Variants in SNX29 observed in about 807,000 individuals in gnomAD.
SNX29 encodes the protein sorting nexin-29.
In SNX29, 78 loss-of-function variants were observed where a neutral mutation model predicts 102.1. The ratio of observed to expected loss-of-function variants is 0.76; its 90% CI spans 0.64 to 0.92. The LOEUF is 0.92. SNX29 is among the 40% of genes least tolerant of loss of function. The pLI is 0.00. For synonymous variants in SNX29, 580 were observed against 414.5 expected (o/e 1.40, Z -4.85); for missense variants, 1,280 against 1,061.7 (o/e 1.21, Z -2.86).
chr16:12,265,630 GT>G (rs2078904493), intron 14 of SNX29, among the ~76,000 whole-genome samples: 1 of 147,216 alleles, frequency 6.8e-6, no homozygotes, highest in African/African-American at 2.5e-5. Context: ...GGAGGCTGAG[GT>G]GGGTGGATCA....
chr16:12,373,195 C>T (rs1304984414), intron 16 of SNX29, among the ~76,000 whole-genome samples: 1 of 152,152 alleles, frequency 6.6e-6, no homozygotes, highest in Non-Finnish European at 1.5e-5. Flanking sequence ...TGCAGTGGTG[C>T]AGTCATAGCT....
rs184689477 is a variant in SNX29, at chr16:12,262,074, C to A, written c.1679-15859C>A. Among the ~76,000 whole-genome samples the A allele has an allele frequency of 2.8e-3, 400 of 144,090 alleles. 23 individuals carry two copies. The highest frequency in any genetic ancestry group is 0.027 in the Admixed American group (376 of 13,994). The allele number at this position is 144,090 out of a possible 152,430, so 94.5% of individuals were successfully genotyped here. On this transcript the variant is annotated intron_variant, in intron 14 of 20. Transcript: ENST00000566228. ...GAGTGAGTGTTTGCTGAGCTCGGGT[C>A]TGTGCGCGCGTCCCCGGCTGAAGTA...
chr16:12,417,969 C>G (rs1230288773), intron 18 of SNX29, among the ~76,000 whole-genome samples: 1 of 152,154 alleles, frequency 6.6e-6, no homozygotes, highest in Non-Finnish European at 1.5e-5. Flanking sequence ...AGCATTGAGT[C>G]TCTGAGCTCC....
Position 12,571,889 on chromosome 16 carries a change from CA to C in SNX29, c.*3263del. On this transcript the variant is annotated 3_prime_UTR_variant, in exon 21 of 21. Transcript: ENST00000566228. ...CATTTTAGAGTTTGGAGCTGAGGTT[CA>C]AAGCCCCCTGCATTTCTCTACTGGC... The C allele has an allele frequency of 9.4e-7, 1 of 1,061,864 alleles. No homozygotes were observed. The highest frequency in any genetic ancestry group is 1.1e-6 in the Non-Finnish European group (1 of 877,126). 65.8% of individuals were successfully genotyped at this position (1,061,864 alleles called of 1,614,324 possible).
At chr16:12,339,230 G>T (rs2151248701) in intron 15 of SNX29, among the ~76,000 whole-genome samples, 1 of 152,146 alleles carries the variant, frequency 6.6e-6, no homozygotes, top group African/African-American at 2.4e-5. Context: ...AATTAGCCAG[G>T]CGTGGTGGCG....
chr16:12,308,599 G>A (rs1051311273), intron 15 of SNX29, among the ~76,000 whole-genome samples: 1 of 152,086 alleles, frequency 6.6e-6, no homozygotes, highest in African/African-American at 2.4e-5. Context: ...TCACGGCTTC[G>A]AGTGCCAGGG....
At chr16:12,400,352 A>G (rs1406170528) in intron 17 of SNX29, among the ~76,000 whole-genome samples, 1 of 152,108 alleles carries the variant, frequency 6.6e-6, no homozygotes, top group Non-Finnish European at 1.5e-5. Context: ...CCACTTGTAC[A>G]CAGCATTGCC....
At chr16:12,384,051 C>G (rs2151440314) in intron 16 of SNX29, among the ~76,000 whole-genome samples, 1 of 152,270 alleles carries the variant, frequency 6.6e-6, no homozygotes, top group East Asian at 1.9e-4. Flanking sequence ...ATGACAGGCT[C>G]TTTTCTTATT....
chr16:12,229,233 T>G (rs1165997074), intron 14 of SNX29, among the ~76,000 whole-genome samples: 1 of 152,250 alleles, frequency 6.6e-6, no homozygotes. Context: ...GATTCCTGTT[T>G]GTGTTATTGG....
At chr16:12,526,511 C>T (rs780366661) in intron 20 of SNX29, 57 of 505,748 alleles carry the variant, frequency 1.1e-4, no homozygotes, top group Admixed American at 4.6e-4. Flanking sequence ...GTTTCTAGAA[C>T]GCTTTATTTT....
chr16:12,520,782 A>C (rs1000112155), intron 19 of SNX29, among the ~76,000 whole-genome samples: 1 of 151,980 alleles, frequency 6.6e-6, no homozygotes, highest in South Asian at 2.1e-4. Flanking sequence ...ATAATAATGG[A>C]CTTTGGGGAC....
At chr16:12,532,789 A>T (rs192634326) in intron 20 of SNX29, among the ~76,000 whole-genome samples, 1 of 152,314 alleles carries the variant, frequency 6.6e-6, no homozygotes, top group Non-Finnish European at 1.5e-5. Context: ...GGGCAGAGGC[A>T]GGAGGAGGTG....
At chr16:12,316,474 C>G (rs560426331) in intron 15 of SNX29, among the ~76,000 whole-genome samples, 1 of 152,096 alleles carries the variant, frequency 6.6e-6, no homozygotes, top group Non-Finnish European at 1.5e-5. Flanking sequence ...ATCCAGGAGG[C>G]GGAGGTTGCA....
intron 20 of SNX29, among the ~76,000 whole-genome samples, chr16:12,554,436 C>T (rs923857690): frequency 1.3e-5 from 2 of 152,216 alleles, no homozygotes; most frequent in African/African-American, 4.8e-5. Context: ...CCTGCTGTTT[C>T]CGCACACCTG....
chr16:12,291,242 A>C (rs2079782905), intron 15 of SNX29, among the ~76,000 whole-genome samples: 1 of 152,200 alleles, frequency 6.6e-6, no homozygotes, highest in Admixed American at 6.5e-5. Flanking sequence ...AAAGAGGCTT[A>C]ATGGACTCAC....
At chr16:12,567,447 G>T (rs34352915) in intron 20 of SNX29, among the ~76,000 whole-genome samples, 1 of 151,992 alleles carries the variant, frequency 6.6e-6, no homozygotes, top group South Asian at 2.1e-4. Flanking sequence ...CCTAGCCCCA[G>T]AATTTATGTG....
At chr16:12,295,781 T>C (rs1482304565) in intron 15 of SNX29, among the ~76,000 whole-genome samples, 4 of 152,202 alleles carry the variant, frequency 2.6e-5, no homozygotes, top group Admixed American at 6.5e-5. Context: ...TTTTTTTTTT[T>C]CCTCACTCCC....
In SNX29 at chr16:12,162,580, TG is replaced by T. The variant is rs2055836149; in HGVS notation, c.1595+32824del. On this transcript the variant is annotated intron_variant, in intron 13 of 20. Coordinates refer to ENST00000566228, the MANE Select transcript of SNX29 (RefSeq NM_032167.5). Reference sequence around the variant, plus strand: ...TTCACAGAAACAGAGCAGAAATGTGTGGTAGGCACATTCTATTCAATAAAGC... The same window carrying T: ...TTCACAGAAACAGAGCAGAAATGTGTGTAGGCACATTCTATTCAATAAAGC... 2.6e-5 allele frequency among the ~76,000 whole-genome samples: 4 copies of T among 152,306 alleles called. No homozygotes were observed. In the South Asian group the frequency reaches 8.3e-4, roughly 32 times the overall value.
intron 19 of SNX29, among the ~76,000 whole-genome samples, chr16:12,488,879 G>T (rs899060568): frequency 6.6e-6 from 1 of 152,078 alleles, no homozygotes; most frequent in Admixed American, 6.6e-5. Flanking sequence ...CTCATTTCAG[G>T]CTGAGTTCGA....
Sources: gnomAD v4.1 joint callset for allele counts (sites outside exome capture counted in the v4.1 genomes callset) on GRCh38, gnomAD v4.1.1 for gene constraint, MANE v1.5 for transcripts, NCBI Gene and HGNC (gene_info 2026-07-23, HGNC 2026-07-21) for gene names.